The following PPFIA4 variants were observed in gnomAD, a reference collection of about 807,000 sequenced individuals.
PPFIA4 encodes the protein liprin-alpha-4.
Under a neutral mutation model 145.7 loss-of-function variants are expected in PPFIA4, and 98 were observed. The observed-to-expected ratio is 0.67, with a 90% CI of 0.57 to 0.80. The LOEUF is 0.80. PPFIA4 is among the 30% of genes least tolerant of loss of function. PPFIA4 has a pLI of 0.00. For synonymous variants in PPFIA4, 628 were observed against 649.6 expected (o/e 0.97, Z 0.51); for missense variants, 1,457 against 1,632.7 (o/e 0.89, Z 1.85).
At position 203,068,367 on chromosome 1, in the gene PPFIA4, G is replaced by T. The variant is rs866036785; in HGVS notation, c.3149-86G>T. On this transcript the variant is annotated intron_variant, in intron 26 of 29. Transcript: ENST00000295706. The surrounding 1 kb of genome is among the most constrained non-coding windows in gnomAD (Gnocchi z 4.7). ...AGAGCAGGGTGGACTGCGGCTCTGG[G>T]TTTAGGGAGCTCTGCTTCTGTCCTT... 13 of 1,277,164 alleles carry T rather than the reference G, an allele frequency of 1.0e-5. No individual in the cohort carries two copies. Among genetic ancestry groups the T allele is most frequent in the Middle Eastern group, 2.6e-4 (1 of 3,920 alleles). The allele number at this position is 1,277,164 out of a possible 1,614,324, so 79.1% of individuals were successfully genotyped here. A position where few individuals can be genotyped will look rare whatever the true frequency, so the allele number is the denominator to read the frequency against.
intron 1 of PPFIA4, among the ~76,000 whole-genome samples, chr1:203,036,969 C>T (rs1171133384): frequency 1.3e-5 from 2 of 152,194 alleles, no homozygotes. Context: ...TATGTGGCCA[C>T]ATGTGTATCT....
At chr1:203,069,755 A>ACCCTCCCCCCCCCCCCCCCCCC (rs1553260595) in intron 27 of PPFIA4, among the ~76,000 whole-genome samples, 1 of 104,766 alleles carries the variant, frequency 9.5e-6, no homozygotes, top group Non-Finnish European at 2.0e-5. Context: ...TTCTGCAGTG[A>ACCCTCCCCCCCCCCCCCCCCCC]CCCCCCCGCC....
chr1:203,063,273 C>G (rs901528205), intron 24 of PPFIA4: 1 of 155,266 alleles, frequency 6.4e-6, no homozygotes. Context: ...GGAGCAGAGG[C>G]TCAGGCCTTA....
chr1:203,062,676 C>G (rs968879184), intron 24 of PPFIA4, among the ~76,000 whole-genome samples: 1 of 151,482 alleles, frequency 6.6e-6, no homozygotes, highest in Non-Finnish European at 1.5e-5. Flanking sequence ...GGTGATGGGT[C>G]GGGGGGGATC....
At chr1:203,040,321 T>C (rs1659611420) in intron 2 of PPFIA4, among the ~76,000 whole-genome samples, 1 of 152,178 alleles carries the variant, frequency 6.6e-6, no homozygotes, top group African/African-American at 2.4e-5. Flanking sequence ...GTGGGGGCGC[T>C]GCTGGGGTTG....
chr1:203,058,083 T>C (rs1166655412), intron 19 of PPFIA4, among the ~76,000 whole-genome samples: 2 of 152,108 alleles, frequency 1.3e-5, no homozygotes, highest in Non-Finnish European at 2.9e-5. Flanking sequence ...GGAGCATTGA[T>C]GAATTTCGTG....
chr1:203,035,790 A>C (rs573606419), intron 1 of PPFIA4: 1 of 386,434 alleles, frequency 2.6e-6, no homozygotes, highest in Admixed American at 2.8e-5. Context: ...CCTTCTGCTC[A>C]CTGTTTCTGT....
At position 203,055,900 on chromosome 1, in the gene PPFIA4, CT is replaced by C. The variant is rs1660901929; in HGVS notation, c.2071-219del. Among the ~76,000 whole-genome samples, 1 of 152,152 alleles carries C rather than the reference CT, an allele frequency of 6.6e-6. No homozygotes were observed. Among genetic ancestry groups the C allele is most frequent in the Non-Finnish European group, 1.5e-5 (1 of 68,034 alleles). On this transcript the variant is annotated intron_variant, in intron 16 of 29. Coordinates refer to ENST00000295706, the MANE Select transcript of PPFIA4 (RefSeq NM_001304331.2). The surrounding 1 kb of genome is among the most constrained non-coding windows in gnomAD (Gnocchi z 4.8). ...GGATGAGCCCAGACTGCTTAAGAAACTCACCCACTGCCCTCACCTCTTCCTT... is the reference window on the plus strand; with the variant it reads ...GGATGAGCCCAGACTGCTTAAGAAACCACCCACTGCCCTCACCTCTTCCTT...
Position 203,056,682 on chromosome 1 carries a change from T to A in PPFIA4, c.2241-102T>A, listed in dbSNP as rs1660979956. ...GTCTCCTTTTCCCCCATCCCAGTTC[T>A]GACTTAATAGAAGTTCTTCCTGAGG... On this transcript the variant is annotated intron_variant, in intron 18 of 29. Coordinates refer to ENST00000295706, the MANE Select transcript of PPFIA4 (RefSeq NM_001304331.2). The A allele has an allele frequency of 2.3e-6, 3 of 1,301,038 alleles. No homozygotes were observed. In the African/African-American group the frequency reaches 4.4e-5, roughly 19 times the overall value. The allele number at this position is 1,301,038 out of a possible 1,614,324, so 80.6% of individuals were successfully genotyped here. A position where few individuals can be genotyped will look rare whatever the true frequency, so the allele number is the denominator to read the frequency against.
rs552685618 is a variant in PPFIA4 at position 203,072,404 on chromosome 1, T to C, written c.3393+644T>C. Among the ~76,000 whole-genome samples, 4 of 152,350 alleles carry C rather than the reference T, an allele frequency of 2.6e-5. No individual in the cohort carries two copies. In the South Asian group the frequency reaches 8.3e-4, roughly 32 times the overall value. On this transcript the variant is annotated intron_variant, in intron 28 of 29. Transcript: ENST00000295706. The stretch of plus-strand genomic sequence containing the variant: ...TGAAGGAACAGTCCCTTGCACTTGA[T>C]TTCATCAGGCATTCCCCTTGAGTTG...
chr1:203,068,059 A>G lies in PPFIA4; in HGVS notation c.3148+267A>G, dbSNP rs986019583. ...TGAATCCTCTGGGACGGTGTTATAG[A>G]CTGGTGTGCCTGTGGAACTTGTTGA... On this transcript the variant is annotated intron_variant, in intron 26 of 29. Transcript: ENST00000295706. This position sits in a 1 kb window ranked among gnomAD's most constrained non-coding sequence, Gnocchi z 4.7. 2.6e-5 allele frequency among the ~76,000 whole-genome samples: 4 copies of G among 152,224 alleles called. No homozygotes were observed. In the South Asian group the frequency reaches 8.3e-4, roughly 32 times the overall value.
rs1330557984 is a variant in PPFIA4, at chr1:203,048,544, C to G, written c.1225-39C>G. ...CCCCAGCAGGAGAGGGTGGTCCTCC[C>G]TGGGAGGGCGGCCTGGTGCGAGGCA... On this transcript the variant is annotated intron_variant, in intron 10 of 29. Transcript: ENST00000295706. This position sits in a 1 kb window ranked among gnomAD's most constrained non-coding sequence, Gnocchi z 5.8. The G allele has an allele frequency of 1.3e-6, 2 of 1,556,674 alleles. No individual in the cohort carries two copies. The highest frequency in any genetic ancestry group is 1.2e-5 in the South Asian group (1 of 84,438).
intron 2 of PPFIA4, among the ~76,000 whole-genome samples, chr1:203,041,130 T>C (rs988114973): frequency 6.6e-6 from 1 of 152,208 alleles, no homozygotes. Context: ...GATTATGATT[T>C]CATCGGGTGG....
Position 203,055,401 on chromosome 1 carries a change from G to A in PPFIA4, c.1830-31G>A, listed in dbSNP as rs1284988404. ...CTCCTGCTGGTCCTGGCTGGGGCTA[G>A]TGGTGAGGTCTGGTTTTGCCTCCCT... is the stretch of plus-strand genomic sequence containing the variant. On this transcript the variant is annotated intron_variant, in intron 15 of 29. Transcript: ENST00000295706. This position sits in a 1 kb window ranked among gnomAD's most constrained non-coding sequence, Gnocchi z 4.8. 6.2e-7 allele frequency: 1 copy of A among 1,611,432 alleles called. No individual in the cohort carries two copies. The highest frequency in any genetic ancestry group is 1.3e-5 in the African/African-American group (1 of 74,898).
intron 1 of PPFIA4, among the ~76,000 whole-genome samples, chr1:203,032,865 A>C (rs924726356): frequency 6.6e-6 from 1 of 151,892 alleles, no homozygotes; most frequent in African/African-American, 2.4e-5. Flanking sequence ...CTAAACCATG[A>C]CCCTCTAAAC....
chr1:203,042,475 T>G (rs1409741973), intron 2 of PPFIA4, among the ~76,000 whole-genome samples: 1 of 152,154 alleles, frequency 6.6e-6, no homozygotes, highest in African/African-American at 2.4e-5. Context: ...ACTGGGCAGG[T>G]CTGCATACTC....
intron 8 of PPFIA4, 52 bp downstream of exon 8, chr1:203,046,039 G>A: frequency 1.2e-6 from 2 of 1,609,128 alleles, no homozygotes; most frequent in South Asian, 2.2e-5. Context: ...CCCTGGAGGT[G>A]TCCTCGTGAA....
intron 16 of PPFIA4, 111 bp from the exon 17 acceptor site, chr1:203,056,009 T>G: frequency 9.2e-7 from 1 of 1,082,596 alleles, no homozygotes; most frequent in Non-Finnish European, 1.4e-6. Context: ...TCCGGGCCTG[T>G]GTGAGGCACT....
intron 27 of PPFIA4, among the ~76,000 whole-genome samples, chr1:203,070,625 G>A (rs1016376772): frequency 1.1e-4 from 17 of 149,876 alleles, no homozygotes; most frequent in African/African-American, 3.7e-4. Flanking sequence ...ATATCTGGTA[G>A]CAGTTTTGAA....
Sources: gnomAD v4.1 joint callset for allele counts (sites outside exome capture counted in the v4.1 genomes callset) on GRCh38, gnomAD v4.1.1 for gene constraint, Gnocchi (gnomAD v3.1) non-coding constraint, MANE v1.5 for transcripts, NCBI Gene and HGNC (gene_info 2026-07-23, HGNC 2026-07-21) for gene names.